The following PARD3 variants were observed in gnomAD, a reference collection of about 807,000 sequenced individuals.
PARD3 encodes par-3 family cell polarity regulator, also known as partitioning defective 3 homolog.
In PARD3, 75 loss-of-function variants were observed where a neutral mutation model predicts 155.4. The observed-to-expected ratio is 0.48, with a 90% confidence interval of 0.40 to 0.58. The LOEUF (loss-of-function observed/expected upper bound fraction) is 0.58. Ranked by LOEUF, PARD3 falls within the 20% of genes least tolerant of loss-of-function variation. The probability of loss-of-function intolerance (pLI) is 0.00; values close to 1 mark genes in which losing one functional copy is unlikely to be tolerated. For synonymous variants in PARD3, 576 were observed against 610.5 expected, an observed-to-expected ratio of 0.94 and a Z score of 0.83; for missense variants, 1,642 against 1,721.7, an observed-to-expected ratio of 0.95 and a Z score of 0.82.
chr10:34,188,668 G>C lies in PARD3; in HGVS notation c.3420-57085C>G, dbSNP rs550453991. Among the ~76,000 whole-genome samples the C allele has an allele frequency of 3.7e-4, 56 of 152,054 alleles. 1 individual carries two copies. The South Asian group carries it at 7.7e-3, about 21-fold the overall frequency. On this transcript the variant is annotated intron_variant, in intron 22 of 24. Coordinates refer to ENST00000374788, the MANE Select transcript of PARD3 (RefSeq NM_001184785.2). Reference sequence around the variant, plus strand: ...GTTTCACACACTTGAATGTGATTTGGAATGAAAACATCACTCCAAAGGGTT... The same window carrying C: ...GTTTCACACACTTGAATGTGATTTGCAATGAAAACATCACTCCAAAGGGTT...
chr10:34,203,614 A>G lies in PARD3; in HGVS notation c.3419+66043T>C, dbSNP rs192720529. 9.8e-5 allele frequency among the ~76,000 whole-genome samples: 15 copies of G among 152,350 alleles called. No individual in the cohort carries two copies. The East Asian group carries it at 2.7e-3, about 27-fold the overall frequency. On this transcript the variant is annotated intron_variant, in intron 22 of 24. Transcript: ENST00000374788. ...CAAATGCTATGTAAATAGTTGTTAT[A>G]CTGTGCTGTTTAGGGAATAACAAGG...
At chr10:34,588,195 TG>T (rs1225984493) in intron 2 of PARD3, among the ~76,000 whole-genome samples, 1 of 152,224 alleles carries the variant, frequency 6.6e-6, no homozygotes, top group African/African-American at 2.4e-5. Flanking sequence ...AGTCATGAGA[TG>T]TTTTGTTCTC....
At position 34,670,799 on chromosome 10, in the gene PARD3, T is replaced by C. The variant is rs938415219; in HGVS notation, c.222+25519A>G. 3.3e-5 allele frequency among the ~76,000 whole-genome samples: 5 copies of C among 152,338 alleles called. No individual in the cohort carries two copies. The East Asian group carries it at 5.8e-4, about 18-fold the overall frequency. ...TTCCCTTGATCAAAGAACTTTGTTGTTGGTTTTGTTTATGCTTTCAATCTT... is the reference window on the plus strand; with the variant it reads ...TTCCCTTGATCAAAGAACTTTGTTGCTGGTTTTGTTTATGCTTTCAATCTT... On this transcript the variant is annotated intron_variant, in intron 2 of 24. Transcript: ENST00000374788.
chr10:34,769,866 T>TACACACAC lies in PARD3; in HGVS notation c.120+45002_120+45009dup, dbSNP rs66728770. On this transcript the variant is annotated intron_variant, in intron 1 of 24. Transcript: ENST00000374788. ...CAGTTATACACTTTTCTCAAATTCA[T>TACACACAC]ACACACACACACACAATTATAACCA... Among the ~76,000 whole-genome samples, 4 of 150,734 alleles carry TACACACAC rather than the reference T, an allele frequency of 2.7e-5. No individual in the cohort carries two copies. In the South Asian group the frequency reaches 8.4e-4, roughly 32 times the overall value.
At chr10:34,750,980 C>T (rs1056547711) in intron 1 of PARD3, among the ~76,000 whole-genome samples, 2 of 152,052 alleles carry the variant, frequency 1.3e-5, no homozygotes, top group African/African-American at 2.4e-5. Flanking sequence ...TGAGCCACCG[C>T]GCCCAGATGA....
At chr10:34,503,496 T>C (rs1334840430) in intron 3 of PARD3, among the ~76,000 whole-genome samples, 1 of 152,196 alleles carries the variant, frequency 6.6e-6, no homozygotes, top group Non-Finnish European at 1.5e-5. Context: ...ATATATAACC[T>C]CACTAAATAT....
chr10:34,381,828 G>A (rs1216149486), intron 9 of PARD3, among the ~76,000 whole-genome samples: 1 of 149,610 alleles, frequency 6.7e-6, no homozygotes, highest in East Asian at 2.0e-4. Flanking sequence ...GCACTTGGAA[G>A]GCTGACATGG....
At chr10:34,285,387 G>A (rs1956336852) in intron 20 of PARD3, among the ~76,000 whole-genome samples, 1 of 151,890 alleles carries the variant, frequency 6.6e-6, no homozygotes. Context: ...ACCAGCCTGG[G>A]CAACATAGCG....
chr10:34,504,538 A>G (rs1455935154), intron 3 of PARD3, among the ~76,000 whole-genome samples: 1 of 152,242 alleles, frequency 6.6e-6, no homozygotes, highest in Non-Finnish European at 1.5e-5. Context: ...TTGAGTAAAC[A>G]CAAAATAACA....
intron 16 of PARD3, 148 bp from the exon 17 acceptor site, chr10:34,337,574 T>TA (rs879474742): frequency 0.039 from 13,215 of 337,946 alleles, no homozygotes; most frequent in Middle Eastern, 0.064. Context: ...TACAGTCCAT[T>TA]AAAAAAAAAA....
In PARD3 at chr10:34,720,174, T is replaced by C. The variant is rs1312618233; in HGVS notation, c.121-23755A>G. The stretch of plus-strand genomic sequence containing the variant: ...GCAAACGGGCACGGCGGCTCATGCC[T>C]GTAATCCCACTAGTTTGGGAGGCCC... On this transcript the variant is annotated intron_variant, in intron 1 of 24. Transcript: ENST00000374788. Among the ~76,000 whole-genome samples, 11 of 152,242 alleles carry C rather than the reference T, an allele frequency of 7.2e-5. No homozygotes were observed. The East Asian group carries it at 2.1e-3, about 29-fold the overall frequency.
chr10:34,230,298 G>A (rs1428579505), intron 22 of PARD3, among the ~76,000 whole-genome samples: 1 of 152,104 alleles, frequency 6.6e-6, no homozygotes, highest in Non-Finnish European at 1.5e-5. Context: ...CCACCCAGCA[G>A]CAGCAGGTAC....
intron 1 of PARD3, among the ~76,000 whole-genome samples, chr10:34,734,987 GAA>G (rs1554822503): frequency 0.031 from 4,075 of 131,842 alleles, 207 homozygotes; most frequent in African/African-American, 0.1. Flanking sequence ...GGGCTTATGG[GAA>G]AAAAAAAAAA....
chr10:34,394,261 G>C (rs939730719), intron 7 of PARD3, among the ~76,000 whole-genome samples: 1 of 152,124 alleles, frequency 6.6e-6, no homozygotes, highest in African/African-American at 2.4e-5. Context: ...CCTGACCTCA[G>C]GTGATCTGCC....
At chr10:34,414,056 G>A (rs1324027691) in intron 5 of PARD3, among the ~76,000 whole-genome samples, 1 of 151,950 alleles carries the variant, frequency 6.6e-6, no homozygotes, top group African/African-American at 2.4e-5. Flanking sequence ...AAACTGGCTG[G>A]GAGTGGTAAC....
intron 1 of PARD3, among the ~76,000 whole-genome samples, chr10:34,736,724 G>T (rs1349358284): frequency 6.6e-6 from 1 of 151,658 alleles, no homozygotes; most frequent in Non-Finnish European, 1.5e-5. Flanking sequence ...GCCCTGGCTG[G>T]AGTGAAGTGG....
chr10:34,813,403 TAAAC>T (rs1844461390), intron 1 of PARD3, among the ~76,000 whole-genome samples: 1 of 152,158 alleles, frequency 6.6e-6, no homozygotes, highest in African/African-American at 2.4e-5. Flanking sequence ...CTGTCACACA[TAAAC>T]AACACTTAAA....
chr10:34,540,880 A>C (rs2083561876), intron 2 of PARD3, among the ~76,000 whole-genome samples: 1 of 152,228 alleles, frequency 6.6e-6, no homozygotes, highest in South Asian at 2.1e-4. Context: ...TCCATGAGAA[A>C]ATAAAGTTCC....
chr10:34,697,871 G>A (rs1270024365), intron 1 of PARD3, among the ~76,000 whole-genome samples: 2 of 151,726 alleles, frequency 1.3e-5, no homozygotes, highest in South Asian at 2.1e-4. Context: ...AGGAGTCCCT[G>A]GGACACCTGC....
Sources: gnomAD v4.1 joint callset for allele counts (sites outside exome capture counted in the v4.1 genomes callset) on GRCh38, gnomAD v4.1.1 for gene constraint, MANE v1.5 for transcripts, NCBI Gene and HGNC (gene_info 2026-07-23, HGNC 2026-07-21) for gene names.